The following RPS6KC1 variants were observed in gnomAD, a reference collection of about 807,000 sequenced individuals.
The protein encoded by RPS6KC1 is ribosomal protein S6 kinase C1, also known as inactive ribosomal protein S6 kinase delta-1.
Under a neutral mutation model 103.8 loss-of-function variants are expected in RPS6KC1, and 54 were observed. The ratio of observed to expected loss-of-function variants is 0.52; its 90% confidence interval spans 0.42 to 0.65. RPS6KC1 has a LOEUF of 0.65. RPS6KC1 is among the 30% of genes least tolerant of loss of function. The probability of loss-of-function intolerance (pLI) is 0.00; values close to 1 mark genes in which losing one functional copy is unlikely to be tolerated. For synonymous variants in RPS6KC1, 439 were observed against 438.7 expected, an observed-to-expected ratio of 1.00 and a Z score of -0.01; for missense variants, 1,151 against 1,253.8, an observed-to-expected ratio of 0.92 and a Z score of 1.24.
At chr1:213,623,360 G>A in the RPS6KC1 span, among the ~76,000 whole-genome samples, 818 of 152,084 alleles carry the variant, frequency 5.4e-3, 5 homozygotes, top group Non-Finnish European at 9.8e-3. Flanking sequence ...CATTTATCTC[G>A]CCATTTAACT....
At chr1:213,347,984 T>C in the RPS6KC1 span, among the ~76,000 whole-genome samples, 4 of 152,070 alleles carry the variant, frequency 2.6e-5, no homozygotes, top group East Asian at 3.9e-4. Flanking sequence ...GTGATTGGCA[T>C]ATTCAAGGAG....
the RPS6KC1 span, among the ~76,000 whole-genome samples, chr1:213,651,413 C>T: frequency 2.0e-5 from 3 of 152,148 alleles, no homozygotes; most frequent in Non-Finnish European, 4.4e-5. Flanking sequence ...TGTATCGGCC[C>T]CCACTGTTTT....
At chr1:213,745,136 T>G in the RPS6KC1 span, among the ~76,000 whole-genome samples, 1 of 152,354 alleles carries the variant, frequency 6.6e-6, no homozygotes, top group East Asian at 1.9e-4. Context: ...CTCTTCTTTA[T>G]AATACATTTT....
Position 213,120,440 on chromosome 1 carries a change from C to T in RPS6KC1, c.472+3030C>T, listed in dbSNP as rs537548690. Among the ~76,000 whole-genome samples the T allele has an allele frequency of 3.9e-5, 6 of 152,092 alleles. No individual in the cohort carries two copies. In the East Asian group the frequency reaches 9.7e-4, roughly 24 times the overall value. On this transcript the variant is annotated intron_variant, in intron 5 of 14. Coordinates refer to ENST00000366960, the MANE Select transcript of RPS6KC1 (RefSeq NM_012424.6). The stretch of plus-strand genomic sequence containing the variant: ...TTTTAAATATCGTAAGATTGTTTGG[C>T]ATAGTGGGAAAGTGGAAGATTTACT...
the RPS6KC1 span, among the ~76,000 whole-genome samples, chr1:213,616,456 A>C: frequency 4.4e-4 from 67 of 152,272 alleles, 1 homozygote; most frequent in Admixed American, 3.5e-3. Context: ...GTTGGGCTGG[A>C]GGTCGAAGAA....
the RPS6KC1 span, among the ~76,000 whole-genome samples, chr1:213,759,446 A>G: frequency 6.6e-6 from 1 of 152,168 alleles, no homozygotes. Context: ...GTAATTCTTT[A>G]TATATTTCTG....
At chr1:213,480,667 G>A in the RPS6KC1 span, among the ~76,000 whole-genome samples, 1,371 of 152,066 alleles carry the variant, frequency 9.0e-3, 9 homozygotes, top group Non-Finnish European at 0.014. Flanking sequence ...ACTTTTAATG[G>A]TAAAACTTTG....
chr1:213,217,907 G>A (rs557923429), intron 8 of RPS6KC1, among the ~76,000 whole-genome samples: 9 of 152,228 alleles, frequency 5.9e-5, no homozygotes, highest in South Asian at 4.1e-4. Flanking sequence ...CAAACCCACA[G>A]CCAATATCAT....
chr1:213,591,355 A>C, the RPS6KC1 span, among the ~76,000 whole-genome samples: 1 of 151,956 alleles, frequency 6.6e-6, no homozygotes, highest in Non-Finnish European at 1.5e-5. Context: ...CTCACACTCT[A>C]TCTTTTGTTA....
chr1:213,126,916 C>T (rs772692404), intron 5 of RPS6KC1, among the ~76,000 whole-genome samples: 3 of 152,096 alleles, frequency 2.0e-5, no homozygotes, highest in Non-Finnish European at 4.4e-5. Flanking sequence ...CTTGCTGATC[C>T]CTGATCTAGA....
the RPS6KC1 span, among the ~76,000 whole-genome samples, chr1:213,685,708 A>G: frequency 1.8e-4 from 28 of 152,170 alleles, no homozygotes; most frequent in Non-Finnish European, 3.7e-4. Flanking sequence ...ATAAGGTAGC[A>G]TATATGAAAG....
At chr1:213,322,050 A>T in the RPS6KC1 span, among the ~76,000 whole-genome samples, 3 of 152,202 alleles carry the variant, frequency 2.0e-5, no homozygotes, top group South Asian at 6.2e-4. Flanking sequence ...TCATGCCTGT[A>T]ATTCCAGCAC....
At chr1:213,599,662 G>A in the RPS6KC1 span, among the ~76,000 whole-genome samples, 2 of 152,116 alleles carry the variant, frequency 1.3e-5, no homozygotes, top group African/African-American at 4.8e-5. Flanking sequence ...TCTAGCTGGC[G>A]GTTTTGCATT....
chr1:213,270,559 TG>T (rs2095023499), intron 14 of RPS6KC1, among the ~76,000 whole-genome samples: 1 of 152,122 alleles, frequency 6.6e-6, no homozygotes, highest in African/African-American at 2.4e-5. Context: ...GAGGACCTCT[TG>T]AGCCCAGAAG....
At chr1:213,671,100 C>A in the RPS6KC1 span, among the ~76,000 whole-genome samples, 1 of 152,310 alleles carries the variant, frequency 6.6e-6, no homozygotes, top group East Asian at 1.9e-4. Flanking sequence ...TCCAACCAGA[C>A]TTTTTTATTC....
the RPS6KC1 span, among the ~76,000 whole-genome samples, chr1:213,478,153 A>G: frequency 1.3e-5 from 2 of 152,218 alleles, no homozygotes; most frequent in African/African-American, 2.4e-5. Context: ...TTACTTAGTT[A>G]TATGCATTTG....
the RPS6KC1 span, among the ~76,000 whole-genome samples, chr1:213,299,549 C>CT: frequency 2.5e-5 from 1 of 39,410 alleles, no homozygotes; most frequent in African/African-American, 8.3e-5. Flanking sequence ...GAGACTCCAT[C>CT]TCAAAAAAAA....
chr1:213,458,157 C>T, the RPS6KC1 span, among the ~76,000 whole-genome samples: 4 of 152,148 alleles, frequency 2.6e-5, no homozygotes, highest in Non-Finnish European at 5.9e-5. Flanking sequence ...CATCCTCCTT[C>T]CCCCTCTACA....
intron 1 of RPS6KC1, among the ~76,000 whole-genome samples, chr1:213,064,675 A>AAT (rs2078147780): frequency 3.1e-5 from 2 of 63,968 alleles, no homozygotes; most frequent in South Asian, 5.1e-4. Flanking sequence ...GCCTTTGTGA[A>AAT]CTTTTTTTTT....
Sources: gnomAD v4.1 joint callset for allele counts (sites outside exome capture counted in the v4.1 genomes callset) on GRCh38, gnomAD v4.1.1 for gene constraint, MANE v1.5 for transcripts, NCBI Gene and HGNC (gene_info 2026-07-23, HGNC 2026-07-21) for gene names.